CPEB1: variants seen among roughly 807,000 people sequenced by gnomAD.
The protein encoded by CPEB1 is cytoplasmic polyadenylation element binding protein 1.
A neutral mutation model predicts 65.8 loss-of-function variants in CPEB1; 7 were observed. The ratio of observed to expected loss-of-function variants is 0.11; its 90% CI spans 0.06 to 0.20. The LOEUF is 0.20. CPEB1 is among the 10% of genes least tolerant of loss of function. The probability of loss-of-function intolerance (pLI) is 1.00; values close to 1 mark genes in which losing one functional copy is unlikely to be tolerated. For missense variants in CPEB1, 551 were observed against 712.2 expected (o/e 0.77, Z 2.58); for synonymous variants, 262 against 260.0 (o/e 1.01, Z -0.08).
intron 3 of CPEB1, among the ~76,000 whole-genome samples, chr15:82,574,065 A>G (rs2040380323): frequency 6.6e-6 from 1 of 152,188 alleles, no homozygotes; most frequent in Non-Finnish European, 1.5e-5. Flanking sequence ...AAACCCATTT[A>G]AGACCAAATG....
At chr15:82,643,689 GT>G (rs2047279095) in intron 1 of CPEB1, among the ~76,000 whole-genome samples, 1 of 151,678 alleles carries the variant, frequency 6.6e-6, no homozygotes, top group South Asian at 2.1e-4. Context: ...CTTTACATCC[GT>G]AAGTGTGGCT....
chr15:82,625,988 C>T (rs2045735797), intron 3 of CPEB1, among the ~76,000 whole-genome samples: 1 of 151,442 alleles, frequency 6.6e-6, no homozygotes, highest in Non-Finnish European at 1.5e-5. Flanking sequence ...GGTGTGGTGG[C>T]GGGTGCCTGT....
At chr15:82,571,699 CA>C (rs1233600614) in intron 3 of CPEB1, 167 bp from the exon 4 acceptor site, 74 of 1,435,236 alleles carry the variant, frequency 5.2e-5, no homozygotes, top group Admixed American at 3.4e-4. Context: ...GACGCTGGGG[CA>C]AGAGCAGTTG....
chr15:82,625,819 T>C (rs2045716090), intron 3 of CPEB1, among the ~76,000 whole-genome samples: 1 of 152,084 alleles, frequency 6.6e-6, no homozygotes, highest in Admixed American at 6.6e-5. Context: ...TATTCTTTCA[T>C]CTAAAACAAC....
intron 1 of CPEB1, among the ~76,000 whole-genome samples, chr15:82,634,144 T>C (rs1162030210): frequency 1.3e-5 from 2 of 152,020 alleles, no homozygotes; most frequent in Non-Finnish European, 2.9e-5. Context: ...CCTAGCCAAG[T>C]TCATCAAGAA....
intron 4 of CPEB1, among the ~76,000 whole-genome samples, chr15:82,560,557 C>T (rs975548096): frequency 2.0e-5 from 3 of 151,616 alleles, no homozygotes; most frequent in South Asian, 4.2e-4. Flanking sequence ...CCACATCTGG[C>T]TGATTTAAAA....
intron 3 of CPEB1, among the ~76,000 whole-genome samples, chr15:82,611,391 A>C (rs2044141680): frequency 2.0e-5 from 3 of 152,182 alleles, no homozygotes. Context: ...TGAAAACTGT[A>C]AGAAATCACT....
In CPEB1 at chr15:82,543,240, C is replaced by A. The variant is rs1244939976; in HGVS notation, c.*1352G>T. 2 of 152,566 alleles carry A rather than the reference C, an allele frequency of 1.3e-5. No homozygotes were observed. Among genetic ancestry groups the A allele is most frequent in the Admixed American group, 1.3e-4 (2 of 15,274 alleles). The allele number at this position is 152,566 out of a possible 1,614,324, so 9.5% of individuals were successfully genotyped here. ...TTTATTATGTGCCAAAAAAACTACA[C>A]CACAGCTTACTCCACACATCTGTAG... On this transcript the variant is annotated 3_prime_UTR_variant, in exon 13 of 13. Coordinates refer to ENST00000684509, the MANE Select transcript of CPEB1 (RefSeq NM_001365242.1).
chr15:82,628,229 G>A lies in CPEB1; in HGVS notation c.96+135C>T, dbSNP rs533959069. ...CTGCTTAAAAAAACTGTTTCCAGAT[G>A]TTGTACATGACTTCACAGATTTACC... On this transcript the variant is annotated intron_variant, in intron 2 of 12. Coordinates refer to ENST00000684509, the MANE Select transcript of CPEB1 (RefSeq NM_001365242.1). The A allele has an allele frequency of 8.5e-6, 6 of 702,836 alleles. No homozygotes were observed. In the African/African-American group the frequency reaches 1.0e-4, roughly 12 times the overall value. 43.5% of individuals were successfully genotyped at this position (702,836 alleles called of 1,614,324 possible).
intron 1 of CPEB1, among the ~76,000 whole-genome samples, chr15:82,635,052 G>A (rs1354941245): frequency 1.3e-5 from 2 of 151,942 alleles, no homozygotes; most frequent in Non-Finnish European, 2.9e-5. Flanking sequence ...ATGGGGTTTC[G>A]CCATGTTGGC....
chr15:82,622,885 C>T (rs370405363), intron 3 of CPEB1, among the ~76,000 whole-genome samples: 49 of 152,146 alleles, frequency 3.2e-4, no homozygotes, highest in African/African-American at 9.7e-4. Context: ...CGGACGGGGA[C>T]GGAATCACTT....
chr15:82,634,001 A>G (rs1489397247), intron 1 of CPEB1, among the ~76,000 whole-genome samples: 1 of 151,954 alleles, frequency 6.6e-6, no homozygotes, highest in Non-Finnish European at 1.5e-5. Context: ...TACTTTGCAG[A>G]CTTCGTAGTA....
At chr15:82,550,104 C>T (rs572732240) in intron 9 of CPEB1, among the ~76,000 whole-genome samples, 3 of 152,224 alleles carry the variant, frequency 2.0e-5, no homozygotes, top group East Asian at 1.9e-4. Context: ...GGAGTGCTTA[C>T]GATATTTGTA....
upstream of CPEB1, chr15:82,648,404 A>T (rs1279824011): frequency 1.3e-5 from 2 of 152,422 alleles, no homozygotes; most frequent in African/African-American, 4.8e-5. Flanking sequence ...CCTTGGTCGG[A>T]ACTGTAGCCC....
At chr15:82,595,524 C>G (rs2042601409) in intron 3 of CPEB1, among the ~76,000 whole-genome samples, 1 of 151,978 alleles carries the variant, frequency 6.6e-6, no homozygotes, top group South Asian at 2.1e-4. Flanking sequence ...ATTGGACCAT[C>G]TAAACAAAAA....
chr15:82,565,729 C>T (rs922504045), intron 4 of CPEB1, among the ~76,000 whole-genome samples: 2 of 152,218 alleles, frequency 1.3e-5, no homozygotes, highest in African/African-American at 4.8e-5. Flanking sequence ...AAGGCCCTGA[C>T]CTCTTTGCTC....
At chr15:82,601,397 C>T (rs761073287) in intron 3 of CPEB1, among the ~76,000 whole-genome samples, 3 of 151,734 alleles carry the variant, frequency 2.0e-5, no homozygotes, top group Non-Finnish European at 2.9e-5. Flanking sequence ...AAAAATTAGC[C>T]AGGCATGGTG....
intron 3 of CPEB1, among the ~76,000 whole-genome samples, chr15:82,579,527 CATT>C (rs1365410651): frequency 1.3e-5 from 2 of 152,152 alleles, no homozygotes; most frequent in Non-Finnish European, 2.9e-5. Flanking sequence ...TAACAATCAT[CATT>C]ATCACCTTTG....
chr15:82,598,611 C>A (rs1226061538), intron 3 of CPEB1, among the ~76,000 whole-genome samples: 5 of 152,082 alleles, frequency 3.3e-5, no homozygotes, highest in African/African-American at 1.2e-4. Flanking sequence ...ATGGTGAAAC[C>A]CTGTCTCTAC....
Sources: gnomAD v4.1 joint callset for allele counts (sites outside exome capture counted in the v4.1 genomes callset) on GRCh38, gnomAD v4.1.1 for gene constraint, MANE v1.5 for transcripts, NCBI Gene and HGNC (gene_info 2026-07-23, HGNC 2026-07-21) for gene names.